C7: variants seen among roughly 807,000 people sequenced by gnomAD.
C7 encodes the protein complement C7, also known as complement component C7.
In C7, 83 loss-of-function variants were observed where a neutral mutation model predicts 104.8. That is an observed-to-expected ratio of 0.79 (90% CI 0.66 to 0.95). The LOEUF (loss-of-function observed/expected upper bound fraction) is 0.95. Among genes scored for constraint, C7 ranks in the 40% least tolerant of loss-of-function variants. C7 has a pLI of 0.00. For synonymous variants in C7, 415 were observed against 360.6 expected (o/e 1.15, Z -1.71); for missense variants, 1,070 against 1,011.2 (o/e 1.06, Z -0.79).
In C7 at chr5:40,955,450, C is replaced by G; in HGVS notation, c.1157C>G (p.Ser386Cys). The G allele has an allele frequency of 6.2e-7, 1 of 1,613,258 alleles. No homozygotes were observed. Among genetic ancestry groups the G allele is most frequent in the Non-Finnish European group, 8.5e-7 (1 of 1,179,540 alleles). ...AGAGGGGGAGGTGCAGGCTTCATAT[C>G]TGGCCTTAGTTACCTAGAGCTGGAC... ...FIRGGGAGFI[S>C]GLSYLELDNP... The change falls in exon 10 of 18, where the codon TCT becomes TGT. Residue 386 changes from serine (S) to cysteine (C), a missense_variant. Ser to Cys is a moderately radical substitution (Grantham distance 112). Coordinates refer to ENST00000313164, the MANE Select transcript of C7 (RefSeq NM_000587.4).
chr5:40,977,587 T>C (rs1207532925), intron 16 of C7, among the ~76,000 whole-genome samples: 1 of 152,164 alleles, frequency 6.6e-6, no homozygotes, highest in Admixed American at 6.5e-5. Flanking sequence ...ACTCTCATTT[T>C]AGGGACTTCA....
chr5:40,923,999 A>G (rs1480624688), intron 1 of C7, among the ~76,000 whole-genome samples: 3 of 152,186 alleles, frequency 2.0e-5, no homozygotes, highest in Non-Finnish European at 4.4e-5. Context: ...ACACTATAAA[A>G]GACAATGATA....
Position 40,983,849 on chromosome 5 carries a change from A to C in C7, c.*2276A>C, listed in dbSNP as rs1248553603. ...CTTCCTGCCCTTTCCTGTGCCTCAG[A>C]TCAGGTGAGGGTCATCTGGGTTAGA... On this transcript the variant is annotated 3_prime_UTR_variant, in exon 18 of 18. Transcript: ENST00000313164. Among the ~76,000 whole-genome samples, 2 of 152,208 alleles carry C rather than the reference A, an allele frequency of 1.3e-5. No individual in the cohort carries two copies. The highest frequency in any genetic ancestry group is 4.8e-5 in the African/African-American group (2 of 41,462).
chr5:40,977,714 G>T (rs1471431888), intron 16 of C7, among the ~76,000 whole-genome samples: 3 of 152,174 alleles, frequency 2.0e-5, no homozygotes, highest in Admixed American at 6.5e-5. Flanking sequence ...GCTAGAGGCC[G>T]AGGAAGTCCA....
intron 14 of C7, among the ~76,000 whole-genome samples, chr5:40,968,571 TATATATATATATATATA>T (rs1740611861): frequency 3.2e-5 from 2 of 63,082 alleles, no homozygotes; most frequent in East Asian, 4.6e-4. Context: ...ATATATTTTA[TATATATATATATATATA>T]TATATATATA....
Position 40,983,166 on chromosome 5 carries a change from A to G in C7, c.*1593A>G, listed in dbSNP as rs1311044220. Among the ~76,000 whole-genome samples the G allele has an allele frequency of 2.6e-5, 4 of 152,248 alleles. No individual in the cohort carries two copies. Among genetic ancestry groups the G allele is most frequent in the Non-Finnish European group, 5.9e-5 (4 of 68,046 alleles). On this transcript the variant is annotated 3_prime_UTR_variant, in exon 18 of 18. Transcript: ENST00000313164. ...AACTGCATTTGTTAGCGGTTATTAC[A>G]GAGTTAATTTCTACCCTGGATGGGA...
intron 1 of C7, among the ~76,000 whole-genome samples, chr5:40,923,777 A>G (rs769274518): frequency 4.6e-5 from 7 of 151,940 alleles, no homozygotes; most frequent in Non-Finnish European, 7.4e-5. Context: ...AGAGGGGGAA[A>G]ATGTCATGCA....
chr5:40,914,298 ATGTTTTTGTTGTTGT>A (rs1281917271), intron 1 of C7, among the ~76,000 whole-genome samples: 3 of 151,898 alleles, frequency 2.0e-5, no homozygotes, highest in African/African-American at 4.8e-5. Context: ...CCACTTTTTA[ATGTTTTTGTTGTTGT>A]TGTTTTTGTT....
intron 16 of C7, 94 bp from the exon 17 acceptor site, chr5:40,979,631 G>A (rs1485431941): frequency 1.1e-6 from 1 of 937,286 alleles, no homozygotes; most frequent in Admixed American, 2.9e-5. Flanking sequence ...ATAACATCTG[G>A]GGGCACTAAG....
At chr5:40,916,555 A>C (rs1739322482) in intron 1 of C7, among the ~76,000 whole-genome samples, 1 of 152,192 alleles carries the variant, frequency 6.6e-6, no homozygotes, top group Non-Finnish European at 1.5e-5. Flanking sequence ...AAGGGATTAA[A>C]AGATGATGGG....
At chr5:40,967,947 C>CT (rs1740594745) in intron 14 of C7, among the ~76,000 whole-genome samples, 1 of 152,060 alleles carries the variant, frequency 6.6e-6, no homozygotes, top group Admixed American at 6.6e-5. Context: ...TGCTTTAAGT[C>CT]TTTTGTCAGT....
At chr5:40,958,318 G>A (rs1740345643) in intron 11 of C7, 57 bp downstream of exon 11, 1 of 1,045,696 alleles carries the variant, frequency 9.6e-7, no homozygotes, top group Non-Finnish European at 1.4e-6. Flanking sequence ...GAATTACCCT[G>A]TTTCTCTGCT....
intron 1 of C7, among the ~76,000 whole-genome samples, chr5:40,916,675 T>G (rs776846468): frequency 2.6e-5 from 4 of 152,168 alleles, no homozygotes; most frequent in Admixed American, 6.6e-5. Flanking sequence ...CGGTAGGAGA[T>G]AGAGTTTGAC....
At chr5:40,957,757 G>C (rs1740324284) in intron 10 of C7, among the ~76,000 whole-genome samples, 1 of 98,134 alleles carries the variant, frequency 1.0e-5, no homozygotes, top group South Asian at 3.7e-4. Context: ...CGCCTGGGCT[G>C]GTTTTTTTTT....
intron 14 of C7, among the ~76,000 whole-genome samples, chr5:40,968,742 G>T (rs1393258835): frequency 6.7e-6 from 1 of 149,788 alleles, no homozygotes; most frequent in Non-Finnish European, 1.5e-5. Flanking sequence ...CTCCTGAGTA[G>T]CTGGGATTAT....
rs563551729 is a variant in C7, at chr5:40,936,787, T to C, written c.428+302T>C. ...GGACAGTTGGTCACTTCATGGGGGT[T>C]GGAAGGGAGGGAGAGAGAGAGAAAA... On this transcript the variant is annotated intron_variant, in intron 5 of 17. Coordinates refer to ENST00000313164, the MANE Select transcript of C7 (RefSeq NM_000587.4). Among the ~76,000 whole-genome samples, 5 of 151,912 alleles carry C rather than the reference T, an allele frequency of 3.3e-5. No homozygotes were observed. The South Asian group carries it at 1.0e-3, about 32-fold the overall frequency.
chr5:40,966,003 C>T (rs1307910788), intron 14 of C7, among the ~76,000 whole-genome samples: 2 of 151,926 alleles, frequency 1.3e-5, no homozygotes, highest in Non-Finnish European at 2.9e-5. Context: ...GTTCGTTAGC[C>T]ATTGGTTATA....
At chr5:40,966,894 A>T (rs1740567035) in intron 14 of C7, among the ~76,000 whole-genome samples, 1 of 151,952 alleles carries the variant, frequency 6.6e-6, no homozygotes, top group South Asian at 2.1e-4. Context: ...TGGAATCCTT[A>T]AGCAGAAACA....
At chr5:40,914,537 T>C (rs10035225) in intron 1 of C7, among the ~76,000 whole-genome samples, 34,718 of 152,058 alleles carry the variant, frequency 0.23, 4,172 homozygotes, top group East Asian at 0.35. Flanking sequence ...AATTCTTGGC[T>C]TAGACCAATG....
Sources: gnomAD v4.1 joint callset for allele counts (sites outside exome capture counted in the v4.1 genomes callset) on GRCh38, gnomAD v4.1.1 for gene constraint, MANE v1.5 for transcripts, NCBI Gene and HGNC (gene_info 2026-07-23, HGNC 2026-07-21) for gene names.